CNTN4: variants seen among roughly 807,000 people sequenced by gnomAD.
CNTN4 encodes the protein contactin-4.
CNTN4 carries 77 observed loss-of-function variants against 122.5 expected under a neutral mutation model. The ratio of observed to expected loss-of-function variants is 0.63; its 90% CI spans 0.52 to 0.76. The LOEUF is 0.76. Among genes scored for constraint, CNTN4 ranks in the 30% least tolerant of loss-of-function variants. The probability of loss-of-function intolerance (pLI) is 0.00; values close to 1 mark genes in which losing one functional copy is unlikely to be tolerated. For synonymous variants in CNTN4, 512 were observed against 447.0 expected (o/e 1.15, Z -1.83); for missense variants, 1,256 against 1,259.1 (o/e 1.00, Z 0.04).
intron 6 of CNTN4, among the ~76,000 whole-genome samples, chr3:2,753,756 G>C (rs907611251): frequency 6.6e-6 from 1 of 152,130 alleles, no homozygotes; most frequent in African/African-American, 2.4e-5. Context: ...CTTTGATATA[G>C]TAAGTACATC....
At chr3:2,849,218 G>T (rs749116399) in intron 7 of CNTN4, among the ~76,000 whole-genome samples, 5 of 152,184 alleles carry the variant, frequency 3.3e-5, no homozygotes, top group Non-Finnish European at 7.3e-5. Context: ...GTGCCAAGAA[G>T]AATGCCTGAA....
chr3:2,683,466 T>G (rs111775796), intron 4 of CNTN4, among the ~76,000 whole-genome samples: 1 of 150,404 alleles, frequency 6.6e-6, no homozygotes, highest in Non-Finnish European at 1.5e-5. Flanking sequence ...TAAGTCAGTT[T>G]GGTCTCTCTG....
At chr3:2,705,013 A>G (rs1236526864) in intron 4 of CNTN4, among the ~76,000 whole-genome samples, 2 of 152,044 alleles carry the variant, frequency 1.3e-5, no homozygotes, top group African/African-American at 4.8e-5. Flanking sequence ...TTAAATATAT[A>G]TAGACAGACA....
intron 4 of CNTN4, among the ~76,000 whole-genome samples, chr3:2,605,964 C>T (rs1455795038): frequency 6.6e-6 from 1 of 152,146 alleles, no homozygotes; most frequent in African/African-American, 2.4e-5. Flanking sequence ...CTACGTTGGA[C>T]AGGCAAGGCC....
intron 6 of CNTN4, among the ~76,000 whole-genome samples, chr3:2,812,109 A>T (rs1053533456): frequency 1.3e-5 from 2 of 152,158 alleles, no homozygotes; most frequent in African/African-American, 4.8e-5. Flanking sequence ...AACACCACAC[A>T]CTGGGGCCTG....
At chr3:2,700,226 G>A (rs577608003) in intron 4 of CNTN4, among the ~76,000 whole-genome samples, 3 of 152,328 alleles carry the variant, frequency 2.0e-5, no homozygotes, top group Admixed American at 6.5e-5. Context: ...TAAAATTAGA[G>A]ATGTAATAAC....
At chr3:2,835,883 T>C (rs1337831241) in intron 7 of CNTN4, among the ~76,000 whole-genome samples, 2 of 151,672 alleles carry the variant, frequency 1.3e-5, no homozygotes, top group Admixed American at 1.3e-4. Flanking sequence ...CTAGGGGAAA[T>C]GGAAAGAAAG....
chr3:2,521,166 G>T (rs1421552925), intron 3 of CNTN4, among the ~76,000 whole-genome samples: 1 of 152,078 alleles, frequency 6.6e-6, no homozygotes, highest in African/African-American at 2.4e-5. Context: ...TGAAGTGGAT[G>T]AACAAAAGTT....
In CNTN4 at chr3:2,732,448, C is replaced by T. The variant is rs1313094931; in HGVS notation, c.56-3767C>T. ...TCATTTGCTGCGATGCTCTTTACCT[C>T]TTTAGACTGAAAATCACAGCCACTC... On this transcript the variant is annotated intron_variant, in intron 4 of 24. Transcript: ENST00000418658. 2.0e-5 allele frequency among the ~76,000 whole-genome samples: 3 copies of T among 151,800 alleles called. No homozygotes were observed. In the East Asian group the frequency reaches 5.8e-4, roughly 29 times the overall value.
chr3:2,350,408 T>C (rs757493604), intron 3 of CNTN4, among the ~76,000 whole-genome samples: 1 of 152,052 alleles, frequency 6.6e-6, no homozygotes, highest in Non-Finnish European at 1.5e-5. Context: ...AATAAAAGCT[T>C]CCACCAAGTG....
At chr3:2,604,566 T>G (rs1248858508) in intron 4 of CNTN4, among the ~76,000 whole-genome samples, 1 of 152,046 alleles carries the variant, frequency 6.6e-6, no homozygotes, top group Admixed American at 6.6e-5. Flanking sequence ...AAGGAAAACT[T>G]AAGAAAAGGG....
intron 4 of CNTN4, among the ~76,000 whole-genome samples, chr3:2,700,571 G>T (rs971300384): frequency 6.6e-6 from 1 of 151,566 alleles, no homozygotes; most frequent in African/African-American, 2.4e-5. Flanking sequence ...TTTTTGCCTT[G>T]TAGAAATATT....
chr3:2,184,174 C>G (rs993811249), intron 2 of CNTN4, among the ~76,000 whole-genome samples: 1 of 151,946 alleles, frequency 6.6e-6, no homozygotes, highest in African/African-American at 2.4e-5. Context: ...TTGGTAGAAA[C>G]GAGGTTTCAC....
intron 3 of CNTN4, among the ~76,000 whole-genome samples, chr3:2,392,201 A>G (rs1001930723): frequency 6.6e-6 from 1 of 152,218 alleles, no homozygotes; most frequent in Non-Finnish European, 1.5e-5. Flanking sequence ...GTGTCAAGAA[A>G]GCAAAAACAA....
chr3:3,024,776 A>G (rs1263302118), intron 14 of CNTN4, among the ~76,000 whole-genome samples: 2 of 152,186 alleles, frequency 1.3e-5, no homozygotes, highest in Non-Finnish European at 2.9e-5. Context: ...AAATTTTAGC[A>G]TGGGTTATCA....
At chr3:2,222,072 C>T (rs1489588789) in intron 2 of CNTN4, among the ~76,000 whole-genome samples, 1 of 152,058 alleles carries the variant, frequency 6.6e-6, no homozygotes, top group Non-Finnish European at 1.5e-5. Flanking sequence ...GAAATGAAAA[C>T]ATAAATGAAC....
At chr3:2,394,037 A>G (rs1502565) in intron 3 of CNTN4, among the ~76,000 whole-genome samples, 144,346 of 152,218 alleles carry the variant, frequency 0.95, 68,483 homozygotes, top group Middle Eastern at 1. Context: ...TAAGACTCCA[A>G]TGTTGGTCAG....
intron 4 of CNTN4, among the ~76,000 whole-genome samples, chr3:2,670,625 A>T (rs1380003175): frequency 6.6e-6 from 1 of 152,110 alleles, no homozygotes; most frequent in Non-Finnish European, 1.5e-5. Flanking sequence ...TGCGAATTTG[A>T]TCCTGTCATT....
chr3:2,930,524 T>A (rs1220486353), intron 13 of CNTN4, among the ~76,000 whole-genome samples: 31 of 152,262 alleles, frequency 2.0e-4, no homozygotes, highest in Admixed American at 2.0e-3. Context: ...TCACTCTCAT[T>A]AATGTTGAGT....
Sources: allele counts gnomAD v4.1 joint callset (sites outside exome capture counted in the v4.1 genomes callset), GRCh38; gene constraint gnomAD v4.1.1; transcripts MANE v1.5; gene names NCBI Gene and HGNC (gene_info 2026-07-23, HGNC 2026-07-21).